The following TJP2 variants were observed in gnomAD, a reference collection of about 807,000 sequenced individuals.
TJP2 encodes tight junction protein 2.
A neutral mutation model predicts 133.1 loss-of-function variants in TJP2; 91 were observed. That is an observed-to-expected ratio of 0.68 (90% confidence interval 0.58 to 0.81). The LOEUF (loss-of-function observed/expected upper bound fraction) is 0.81. Ranked by LOEUF, TJP2 falls within the 40% of genes least tolerant of loss-of-function variation. TJP2 has a pLI of 0.00. For missense variants in TJP2, 1,541 were observed against 1,565.6 expected (o/e 0.98, Z 0.26); for synonymous variants, 592 against 583.4 (o/e 1.01, Z -0.21).
At position 69,127,358 on chromosome 9, in the gene TJP2, C is replaced by T. The variant is rs1822320366; in HGVS notation, c.-131+5633C>T. Among the ~76,000 whole-genome samples, 2 of 72,940 alleles carry T rather than the reference C, an allele frequency of 2.7e-5. 1 individual carries two copies. The highest frequency in any genetic ancestry group is 7.7e-4 in the South Asian group (2 of 2,584). 47.9% of individuals were successfully genotyped at this position (72,940 alleles called of 152,430 possible). A position where few individuals can be genotyped will look rare whatever the true frequency, so the allele number is the denominator to read the frequency against. ...TGTTGGAATTACAGGCGTCAGCCAC[C>T]GCGCCCGGCCGCAAGGGAGACCCCT... On this transcript the variant is annotated intron_variant, in intron 1 of 5. Transcript: ENST00000423935.
chr9:69,215,003 A>G (rs1235455172), intron 2 of TJP2, among the ~76,000 whole-genome samples: 2 of 152,234 alleles, frequency 1.3e-5, no homozygotes, highest in African/African-American at 4.8e-5. Context: ...AGAACGAAAT[A>G]TGTCCTTTGC....
chr9:69,177,399 C>T (rs1447091318), intron 1 of TJP2, among the ~76,000 whole-genome samples: 1 of 152,190 alleles, frequency 6.6e-6, no homozygotes. Context: ...GGGTTAAACA[C>T]ATCAATGGTT....
Position 69,249,048 on chromosome 9 carries a change from T to G in TJP2, c.2881-327T>G, listed in dbSNP as rs555060399. The G allele has an allele frequency of 5.7e-4, 581 of 1,025,664 alleles. 1 individual carries two copies. The highest frequency in any genetic ancestry group is 6.4e-4 in the Non-Finnish European group (547 of 855,126). 63.5% of individuals were successfully genotyped at this position (1,025,664 alleles called of 1,614,324 possible). The stretch of plus-strand genomic sequence containing the variant: ...ATACACCATTACCACAGCAACAAAT[T>G]AGTTTATGCTAGACAACTTGTAAAG... On this transcript the variant is annotated intron_variant, in intron 19 of 22. Transcript: ENST00000377245.
At chr9:69,254,070 T>G (rs1317619074) in intron 22 of TJP2, 139 bp from the exon 23 acceptor site, 3 of 988,686 alleles carry the variant, frequency 3.0e-6, no homozygotes, top group Non-Finnish European at 4.8e-6. Context: ...AGGGATGCCC[T>G]GGTTGCTCTG....
chr9:69,183,527 A>G (rs1247338716), intron 1 of TJP2, among the ~76,000 whole-genome samples: 1 of 152,080 alleles, frequency 6.6e-6, no homozygotes. Flanking sequence ...CTTTTTTGCC[A>G]CTGAGTCGTA....
chr9:69,241,719 G>C (rs540492704), intron 17 of TJP2, among the ~76,000 whole-genome samples: 1 of 152,178 alleles, frequency 6.6e-6, no homozygotes, highest in African/African-American at 2.4e-5. Flanking sequence ...CAACAGTAAA[G>C]AGTGGTACAG....
At chr9:69,201,230 C>G (rs896586549) in intron 1 of TJP2, among the ~76,000 whole-genome samples, 5 of 152,210 alleles carry the variant, frequency 3.3e-5, no homozygotes, top group African/African-American at 1.2e-4. Flanking sequence ...AAGGCACATC[C>G]TTAAACCCAT....
chr9:69,121,694 C>T (rs1240106760), exon 1 of TJP2: 1 of 153,004 alleles, frequency 6.5e-6, no homozygotes, highest in Admixed American at 6.6e-5. Flanking sequence ...CCCGACACCG[C>T]CGGCCGCGGC....
At chr9:69,138,095 A>C (rs956635906) in intron 1 of TJP2, among the ~76,000 whole-genome samples, 1 of 152,058 alleles carries the variant, frequency 6.6e-6, no homozygotes, top group Non-Finnish European at 1.5e-5. Flanking sequence ...CCTGATTCCA[A>C]CTTAACAGCC....
At chr9:69,222,902 C>A (rs1179279674) in intron 5 of TJP2, among the ~76,000 whole-genome samples, 2 of 151,924 alleles carry the variant, frequency 1.3e-5, no homozygotes, top group African/African-American at 4.8e-5. Flanking sequence ...AACCCCATCT[C>A]TACTAAAAAT....
intron 1 of TJP2, among the ~76,000 whole-genome samples, chr9:69,130,535 C>G (rs1192907700): frequency 6.6e-6 from 1 of 152,078 alleles, no homozygotes; most frequent in African/African-American, 2.4e-5. Context: ...GAGTGCCCAC[C>G]CAGGTCATGC....
chr9:69,214,518 G>C (rs1390526177), intron 2 of TJP2, among the ~76,000 whole-genome samples: 1 of 152,180 alleles, frequency 6.6e-6, no homozygotes, highest in Non-Finnish European at 1.5e-5. Flanking sequence ...AAAGGGTTTA[G>C]TGCTTTGCTT....
intron 2 of TJP2, among the ~76,000 whole-genome samples, chr9:69,158,460 C>A (rs1050149591): frequency 6.6e-6 from 1 of 151,616 alleles, no homozygotes; most frequent in Non-Finnish European, 1.5e-5. Context: ...CTGACACTTT[C>A]TCCTCTACCT....
At chr9:69,144,156 C>T (rs1245961833) in intron 1 of TJP2, among the ~76,000 whole-genome samples, 4 of 152,070 alleles carry the variant, frequency 2.6e-5, no homozygotes, top group Admixed American at 6.5e-5. Flanking sequence ...ATGTGAGCCA[C>T]GTGCCCAGCA....
intron 17 of TJP2, among the ~76,000 whole-genome samples, chr9:69,241,270 A>T (rs946163660): frequency 6.6e-6 from 1 of 152,194 alleles, no homozygotes; most frequent in African/African-American, 2.4e-5. Context: ...TTCTGTGCAT[A>T]TGAGATTATT....
upstream of TJP2, among the ~76,000 whole-genome samples, chr9:69,173,447 A>G (rs1199020544): frequency 2.0e-5 from 3 of 152,246 alleles, no homozygotes; most frequent in Non-Finnish European, 4.4e-5. Context: ...CTGTCAGATA[A>G]GCACTTGTGA....
At chr9:69,125,711 G>A (rs1822284833) in intron 1 of TJP2, among the ~76,000 whole-genome samples, 1 of 76,842 alleles carries the variant, frequency 1.3e-5, no homozygotes, top group Non-Finnish European at 3.0e-5. Flanking sequence ...TTAATCTGAA[G>A]TTACAAGATA....
Position 69,224,443 on chromosome 9 carries a change from C to T in TJP2, c.953-861C>T, listed in dbSNP as rs574337432. On this transcript the variant is annotated intron_variant, in intron 5 of 22. Coordinates refer to ENST00000377245, the MANE Select transcript of TJP2 (RefSeq NM_004817.4). The stretch of plus-strand genomic sequence containing the variant: ...CTGTAATCCTAGCACTTTGGGAGGC[C>T]GAGGCGGGTGGATCACCTGAGGTCA... Among the ~76,000 whole-genome samples, 9 of 152,142 alleles carry T rather than the reference C, an allele frequency of 5.9e-5. 1 individual carries two copies. Among genetic ancestry groups the T allele is most frequent in the South Asian group, 4.2e-4 (2 of 4,816 alleles).
intron 1 of TJP2, among the ~76,000 whole-genome samples, chr9:69,182,730 T>C (rs1426200542): frequency 6.6e-6 from 1 of 152,104 alleles, no homozygotes; most frequent in Non-Finnish European, 1.5e-5. Flanking sequence ...GTTGAATTTA[T>C]ATGTATGTAT....
Sources: gnomAD v4.1 joint callset for allele counts (sites outside exome capture counted in the v4.1 genomes callset) on GRCh38, gnomAD v4.1.1 for gene constraint, MANE v1.5 for transcripts, NCBI Gene and HGNC (gene_info 2026-07-23, HGNC 2026-07-21) for gene names.